Variants in RBFOX1 observed in about 807,000 individuals in gnomAD.
The protein encoded by RBFOX1 is RNA binding fox-1 homolog 1.
Under a neutral mutation model 57.7 loss-of-function variants are expected in RBFOX1, and 8 were observed. The ratio of observed to expected loss-of-function variants is 0.14; its 90% CI spans 0.08 to 0.25. The LOEUF is 0.25. Ranked by LOEUF, RBFOX1 falls within the 10% of genes least tolerant of loss-of-function variation. RBFOX1 has a pLI of 1.00. For missense variants in RBFOX1, 611 were observed against 548.5 expected (o/e 1.11, Z -1.14); for synonymous variants, 326 against 222.4 (o/e 1.47, Z -4.15).
intron 2 of RBFOX1, among the ~76,000 whole-genome samples, chr16:6,414,747 G>A (rs2093573430): frequency 6.6e-6 from 1 of 152,050 alleles, no homozygotes; most frequent in Non-Finnish European, 1.5e-5. Context: ...TACAAAGCAG[G>A]GATTCTTACC....
chr16:6,930,653 G>T (rs13336027), intron 3 of RBFOX1, among the ~76,000 whole-genome samples: 30,978 of 151,898 alleles, frequency 0.2, 3,363 homozygotes, highest in African/African-American at 0.29. Context: ...TAGGTGATCC[G>T]CCTGCCTTGG....
intron 3 of RBFOX1, among the ~76,000 whole-genome samples, chr16:6,887,733 G>C (rs555027532): frequency 1.3e-4 from 19 of 151,772 alleles, no homozygotes; most frequent in African/African-American, 4.4e-4. Context: ...TGCAATCTTG[G>C]CTTACTGCAA....
intron 1 of RBFOX1, among the ~76,000 whole-genome samples, chr16:6,021,679 T>C (rs1567274605): frequency 6.6e-6 from 1 of 152,120 alleles, no homozygotes; most frequent in Non-Finnish European, 1.5e-5. Context: ...AGTGACACCT[T>C]AGGGGTCCAG....
At chr16:6,589,408 T>TA (rs2097678484) in intron 2 of RBFOX1, among the ~76,000 whole-genome samples, 1 of 152,052 alleles carries the variant, frequency 6.6e-6, no homozygotes, top group African/African-American at 2.4e-5. Flanking sequence ...ATTTGGTGGG[T>TA]AGGGGGTCAG....
intron 3 of RBFOX1, among the ~76,000 whole-genome samples, chr16:6,974,575 C>T (rs1310961921): frequency 6.6e-6 from 1 of 151,992 alleles, no homozygotes; most frequent in East Asian, 1.9e-4. Flanking sequence ...GATCTCCTGA[C>T]CTCAGGTGAT....
At chr16:7,234,621 T>G (rs979294548) in intron 4 of RBFOX1, among the ~76,000 whole-genome samples, 4 of 150,438 alleles carry the variant, frequency 2.7e-5, no homozygotes, top group Non-Finnish European at 5.9e-5. Context: ...TATATATGTT[T>G]GTATGTGCTT....
At chr16:6,819,882 C>G (rs544381384) in intron 3 of RBFOX1, among the ~76,000 whole-genome samples, 2 of 152,016 alleles carry the variant, frequency 1.3e-5, no homozygotes, top group Admixed American at 6.6e-5. Context: ...AAGTGCTTTC[C>G]TCAAGCATAC....
intron 4 of RBFOX1, among the ~76,000 whole-genome samples, chr16:5,990,867 G>A (rs1271514498): frequency 1.3e-5 from 2 of 152,080 alleles, no homozygotes; most frequent in African/African-American, 4.8e-5. Flanking sequence ...CCATCTACTC[G>A]GGAGGCTGAG....
intron 1 of RBFOX1, among the ~76,000 whole-genome samples, chr16:5,364,348 T>TA (rs2065644476): frequency 6.6e-6 from 1 of 152,138 alleles, no homozygotes. Flanking sequence ...CTTGATGACT[T>TA]AAAAGCTGTT....
chr16:6,217,134 G>C (rs1459391029), intron 1 of RBFOX1, among the ~76,000 whole-genome samples: 1 of 145,554 alleles, frequency 6.9e-6, no homozygotes, highest in Non-Finnish European at 1.5e-5. Context: ...AGTCACCTCT[G>C]TGTATGAGGG....
intron 4 of RBFOX1, among the ~76,000 whole-genome samples, chr16:5,884,108 A>G (rs970157578): frequency 6.6e-6 from 1 of 152,180 alleles, no homozygotes; most frequent in Non-Finnish European, 1.5e-5. Flanking sequence ...CAAGGTGAGG[A>G]TTAAATGAGA....
rs1442893201 is a variant in RBFOX1, at chr16:7,149,699, A to C, written c.27+97601A>C. ...AGTGCTAGGATTACAGGCATGAGCC[A>C]CCAGGCTTATCCTCCTGTGGCTCTT... On this transcript the variant is annotated intron_variant, in intron 4 of 15. Transcript: ENST00000550418. Among the ~76,000 whole-genome samples, 3 of 151,970 alleles carry C rather than the reference A, an allele frequency of 2.0e-5. No individual in the cohort carries two copies. In the East Asian group the frequency reaches 5.8e-4, roughly 29 times the overall value.
At chr16:6,770,480 C>T (rs955811528) in intron 3 of RBFOX1, among the ~76,000 whole-genome samples, 21 of 152,196 alleles carry the variant, frequency 1.4e-4, no homozygotes, top group Non-Finnish European at 2.5e-4. Context: ...TTGGGTACCA[C>T]GGCAGAGCTC....
chr16:6,221,513 G>A (rs569829510), intron 1 of RBFOX1, among the ~76,000 whole-genome samples: 2 of 152,250 alleles, frequency 1.3e-5, no homozygotes, highest in Non-Finnish European at 1.5e-5. Flanking sequence ...ATTTCAATAT[G>A]AGTCAGTATT....
At chr16:7,042,657 G>T (rs2046552796) in intron 3 of RBFOX1, among the ~76,000 whole-genome samples, 1 of 152,250 alleles carries the variant, frequency 6.6e-6, no homozygotes, top group African/African-American at 2.4e-5. Context: ...CAGGTGCAGT[G>T]GCTTGCGCCT....
At chr16:5,631,387 T>G (rs1185421916) in intron 3 of RBFOX1, among the ~76,000 whole-genome samples, 1 of 152,080 alleles carries the variant, frequency 6.6e-6, no homozygotes, top group Non-Finnish European at 1.5e-5. Context: ...CAAAACTCCA[T>G]CTCTATTAAA....
At chr16:7,688,596 C>T (rs867054014) in intron 14 of RBFOX1, among the ~76,000 whole-genome samples, 1 of 151,890 alleles carries the variant, frequency 6.6e-6, no homozygotes, top group African/African-American at 2.4e-5. Context: ...GGAAAACTGC[C>T]AAGAGATGAG....
At chr16:6,875,165 G>C (rs1037561666) in intron 3 of RBFOX1, among the ~76,000 whole-genome samples, 1 of 152,110 alleles carries the variant, frequency 6.6e-6, no homozygotes, top group Admixed American at 6.5e-5. Flanking sequence ...TACAGTGCTT[G>C]TGCACATAAT....
At chr16:7,375,845 T>C (rs2097676548) in intron 4 of RBFOX1, among the ~76,000 whole-genome samples, 1 of 152,224 alleles carries the variant, frequency 6.6e-6, no homozygotes, top group Non-Finnish European at 1.5e-5. Flanking sequence ...AATTTTATTA[T>C]TTGGTACTAC....
Sources: allele counts gnomAD v4.1 joint callset (sites outside exome capture counted in the v4.1 genomes callset), GRCh38; gene constraint gnomAD v4.1.1; transcripts MANE v1.5; gene names NCBI Gene and HGNC (gene_info 2026-07-23, HGNC 2026-07-21).